The following CSMD1 variants were observed in gnomAD, a reference collection of about 807,000 sequenced individuals.
The protein encoded by CSMD1 is CUB and Sushi multiple domains 1.
CSMD1 carries 213 observed loss-of-function variants against 417.5 expected under a neutral mutation model. The ratio of observed to expected loss-of-function variants is 0.51; its 90% CI spans 0.46 to 0.57. The LOEUF is 0.57. Among genes scored for constraint, CSMD1 ranks in the 20% least tolerant of loss-of-function variants. The pLI is 0.00. For missense variants in CSMD1, 6,923 were observed against 4,529.7 expected (o/e 1.53, Z -15.17); for synonymous variants, 2,862 against 1,736.8 (o/e 1.65, Z -16.11).
intron 4 of CSMD1, among the ~76,000 whole-genome samples, chr8:4,012,311 T>A (rs1816605185): frequency 6.6e-6 from 1 of 152,148 alleles, no homozygotes; most frequent in South Asian, 2.1e-4. Flanking sequence ...CATCTTCCAA[T>A]CCTTGGTAGG....
chr8:4,276,263 GCACATATA>G (rs1260678230), intron 3 of CSMD1, among the ~76,000 whole-genome samples: 1 of 152,114 alleles, frequency 6.6e-6, no homozygotes, highest in Admixed American at 6.6e-5. Flanking sequence ...AAAAAATGTG[GCACATATA>G]CACCACGGAA....
At chr8:3,947,595 T>C (rs1043173160) in intron 5 of CSMD1, among the ~76,000 whole-genome samples, 1 of 152,186 alleles carries the variant, frequency 6.6e-6, no homozygotes, top group African/African-American at 2.4e-5. Flanking sequence ...TATATAGAAG[T>C]GTTTTGTTTA....
chr8:3,229,618 C>T (rs1489308549), intron 27 of CSMD1, among the ~76,000 whole-genome samples: 1 of 151,932 alleles, frequency 6.6e-6, no homozygotes, highest in African/African-American at 2.4e-5. Context: ...TTTAAATGTA[C>T]TAATATCATA....
At chr8:4,556,067 T>A (rs1012894818) in intron 2 of CSMD1, among the ~76,000 whole-genome samples, 1 of 152,098 alleles carries the variant, frequency 6.6e-6, no homozygotes. Flanking sequence ...TAGTTTAAAT[T>A]TCTCGAATTT....
chr8:3,326,480 A>T (rs186495532), intron 23 of CSMD1, among the ~76,000 whole-genome samples: 11 of 152,352 alleles, frequency 7.2e-5, no homozygotes, highest in Non-Finnish European at 4.4e-5. Flanking sequence ...ACAAAGACAC[A>T]TCCCAAACTT....
At chr8:2,998,998 A>G (rs1287380250) in intron 53 of CSMD1, among the ~76,000 whole-genome samples, 1 of 152,218 alleles carries the variant, frequency 6.6e-6, no homozygotes, top group Non-Finnish European at 1.5e-5. Flanking sequence ...AAAATATACA[A>G]TATTTCTAAA....
chr8:3,872,467 G>A (rs190417080), intron 5 of CSMD1, among the ~76,000 whole-genome samples: 1 of 152,174 alleles, frequency 6.6e-6, no homozygotes. Flanking sequence ...TGAAAAAGCT[G>A]TGGGACAAGG....
chr8:3,073,388 T>C (rs1477254977), intron 49 of CSMD1, among the ~76,000 whole-genome samples: 1 of 152,098 alleles, frequency 6.6e-6, no homozygotes, highest in African/African-American at 2.4e-5. Context: ...ATTTAATAAA[T>C]GACACTCAGA....
intron 2 of CSMD1, among the ~76,000 whole-genome samples, chr8:4,626,963 T>A (rs1206491153): frequency 1.3e-5 from 2 of 152,170 alleles, no homozygotes; most frequent in Non-Finnish European, 2.9e-5. Context: ...AAGGGATACG[T>A]AAGTAGGTGA....
At position 4,622,431 on chromosome 8, in the gene CSMD1, A is replaced by G. The variant is rs531294368; in HGVS notation, c.302+14911T>C. On this transcript the variant is annotated intron_variant, in intron 2 of 69. Coordinates refer to ENST00000635120, the MANE Select transcript of CSMD1 (RefSeq NM_033225.6). ...TACCCGATGGGGTGACAGCAAAACTATGGAGATGATTGTCACTGGATACCC... is the reference window on the plus strand; with the variant it reads ...TACCCGATGGGGTGACAGCAAAACTGTGGAGATGATTGTCACTGGATACCC... Among the ~76,000 whole-genome samples, 50 of 152,152 alleles carry G rather than the reference A, an allele frequency of 3.3e-4. 1 individual carries two copies. Among genetic ancestry groups the G allele is most frequent in the Middle Eastern group, 3.4e-3 (1 of 294 alleles).
At chr8:4,013,986 G>A (rs1344761826) in intron 4 of CSMD1, among the ~76,000 whole-genome samples, 1 of 152,096 alleles carries the variant, frequency 6.6e-6, no homozygotes, top group Non-Finnish European at 1.5e-5. Flanking sequence ...AACGTTCCTT[G>A]GAAGAAAGAA....
intron 1 of CSMD1, among the ~76,000 whole-genome samples, chr8:4,892,110 C>A (rs1455197521): frequency 6.6e-6 from 1 of 152,082 alleles, no homozygotes; most frequent in East Asian, 1.9e-4. Context: ...TTCTTCCTCT[C>A]TGTCACAGGG....
intron 50 of CSMD1, among the ~76,000 whole-genome samples, chr8:3,047,103 G>C (rs1462412496): frequency 2.0e-5 from 3 of 151,454 alleles, no homozygotes; most frequent in Non-Finnish European, 4.4e-5. Flanking sequence ...AGCTAGTCAG[G>C]AGACTGAGGC....
chr8:4,229,155 G>T (rs779882509), intron 3 of CSMD1, among the ~76,000 whole-genome samples: 2 of 151,906 alleles, frequency 1.3e-5, no homozygotes, highest in Non-Finnish European at 2.9e-5. Context: ...TTTTCTATTT[G>T]GGCAGGACAA....
At chr8:4,071,744 A>C (rs1360802416) in intron 3 of CSMD1, among the ~76,000 whole-genome samples, 1 of 152,014 alleles carries the variant, frequency 6.6e-6, no homozygotes, top group Non-Finnish European at 1.5e-5. Flanking sequence ...TGATGAATAT[A>C]TTTATTTCGT....
chr8:4,095,601 G>C (rs913527891), intron 3 of CSMD1, among the ~76,000 whole-genome samples: 2 of 152,158 alleles, frequency 1.3e-5, no homozygotes, highest in Non-Finnish European at 2.9e-5. Flanking sequence ...AAGAAACAAA[G>C]TAATGTGCAC....
intron 1 of CSMD1, among the ~76,000 whole-genome samples, chr8:4,963,937 C>A (rs540842199): frequency 9.9e-4 from 151 of 152,034 alleles, no homozygotes; most frequent in Non-Finnish European, 1.5e-3. Context: ...ATTAAAAAAA[C>A]AAGCTGATTT....
chr8:4,018,668 A>G (rs1056284907), intron 4 of CSMD1, among the ~76,000 whole-genome samples: 2 of 152,200 alleles, frequency 1.3e-5, no homozygotes, highest in Non-Finnish European at 2.9e-5. Flanking sequence ...TCAAGTTGTA[A>G]TATTTGTTTC....
At chr8:3,603,187 G>C (rs563265515) in intron 8 of CSMD1, among the ~76,000 whole-genome samples, 3 of 152,274 alleles carry the variant, frequency 2.0e-5, no homozygotes, top group East Asian at 3.9e-4. Context: ...AAATGCAGTT[G>C]ATGCTCTTTG....
Sources: gnomAD v4.1 joint callset for allele counts (sites outside exome capture counted in the v4.1 genomes callset) on GRCh38, gnomAD v4.1.1 for gene constraint, MANE v1.5 for transcripts, NCBI Gene and HGNC (gene_info 2026-07-23, HGNC 2026-07-21) for gene names.